The following APP variants were observed in gnomAD, a reference collection of about 807,000 sequenced individuals.
APP encodes the protein amyloid-beta precursor protein.
Under a neutral mutation model 101.4 loss-of-function variants are expected in APP, and 31 were observed. That is an observed-to-expected ratio of 0.31 (90% confidence interval 0.23 to 0.41). APP has a LOEUF of 0.41. Ranked by LOEUF, APP falls within the 10% of genes least tolerant of loss-of-function variation. The pLI, the probability that APP is intolerant of heterozygous loss-of-function variation, is 1.00. For synonymous variants in APP, 366 were observed against 364.4 expected (o/e 1.00, Z -0.05); for missense variants, 839 against 1,003.7 (o/e 0.84, Z 2.22).
intron 6 of APP, among the ~76,000 whole-genome samples, chr21:26,008,960 TA>T (rs2043658209): frequency 1.3e-5 from 2 of 151,998 alleles, no homozygotes; most frequent in South Asian, 4.2e-4. Context: ...CTACTCAAAA[TA>T]GGATCATGGA....
intron 4 of APP, among the ~76,000 whole-genome samples, chr21:26,051,568 G>A (rs1407760982): frequency 6.6e-6 from 1 of 152,148 alleles, no homozygotes; most frequent in Admixed American, 6.5e-5. Flanking sequence ...ATTCCAGGTA[G>A]ATCCCCAGCT....
At chr21:26,044,338 A>G (rs560588094) in intron 5 of APP, among the ~76,000 whole-genome samples, 1 of 152,298 alleles carries the variant, frequency 6.6e-6, no homozygotes, top group East Asian at 1.9e-4. Context: ...CTGGAGACTC[A>G]CTGAATATAG....
At chr21:25,969,935 A>G (rs1415505075) in intron 11 of APP, among the ~76,000 whole-genome samples, 11 of 10,568 alleles carry the variant, frequency 1.0e-3, no homozygotes, top group South Asian at 6.5e-3. Flanking sequence ...AGGAAAGGAA[A>G]GGAAAGGAAG....
At chr21:26,052,514 T>C (rs935712686) in intron 4 of APP, among the ~76,000 whole-genome samples, 1 of 152,214 alleles carries the variant, frequency 6.6e-6, no homozygotes, top group Non-Finnish European at 1.5e-5. Context: ...ACACAGCAGC[T>C]GTGAAGGTGG....
intron 5 of APP, among the ~76,000 whole-genome samples, chr21:26,035,671 T>C (rs959089187): frequency 1.8e-4 from 27 of 152,230 alleles, no homozygotes; most frequent in African/African-American, 5.8e-4. Flanking sequence ...TTCCAGGATC[T>C]GCTTTATGTA....
chr21:25,967,944 C>CAAG (rs1568777609), intron 11 of APP, among the ~76,000 whole-genome samples: 1 of 152,096 alleles, frequency 6.6e-6, no homozygotes, highest in Non-Finnish European at 1.5e-5. Flanking sequence ...TTAATTCTTC[C>CAAG]AGGGGGAAAA....
intron 13 of APP, among the ~76,000 whole-genome samples, chr21:25,917,425 TTAGA>T (rs1256359251): frequency 6.6e-6 from 1 of 152,190 alleles, no homozygotes; most frequent in Non-Finnish European, 1.5e-5. Flanking sequence ...TTGTTTTTTC[TTAGA>T]TATTCATGAT....
In APP at chr21:25,897,641, T is replaced by TCTC. The variant is rs759980555; in HGVS notation, c.1993_1995dup (p.Glu665dup). 4 of 1,613,972 alleles carry TCTC rather than the reference T, an allele frequency of 2.5e-6. No individual in the cohort carries two copies. The South Asian group carries it at 3.3e-5, about 13-fold the overall frequency. On this transcript the variant is annotated inframe_insertion, in exon 16 of 18. Transcript: ENST00000346798. ...TCTGCATCCATCTTCACTTCAGAGA[T>TCTC]CTCCTCCGTCTTGATATTTGTCAAC...
chr21:25,897,175 C>T (rs144452199), intron 16 of APP, among the ~76,000 whole-genome samples: 5 of 151,862 alleles, frequency 3.3e-5, no homozygotes, highest in East Asian at 1.9e-4. Context: ...CGCCTAGGCA[C>T]GATCTCAGCT....
intron 2 of APP, 81 bp from the exon 3 acceptor site, chr21:26,090,153 A>G: frequency 1.3e-6 from 2 of 1,587,580 alleles, no homozygotes; most frequent in Non-Finnish European, 1.7e-6. Context: ...CCTCCACTGT[A>G]AGGTACAGGT....
intron 6 of APP, among the ~76,000 whole-genome samples, chr21:26,020,396 G>A (rs1392270692): frequency 1.3e-5 from 2 of 152,146 alleles, no homozygotes; most frequent in East Asian, 1.9e-4. Context: ...TAAAGCCGCT[G>A]AATTATATAC....
intron 3 of APP, among the ~76,000 whole-genome samples, chr21:26,076,773 G>T (rs984469702): frequency 6.6e-5 from 10 of 152,164 alleles, no homozygotes; most frequent in Non-Finnish European, 1.2e-4. Flanking sequence ...AAGCTTAAAA[G>T]AAATTTTAGG....
chr21:26,160,337 C>A (rs1046733647), intron 1 of APP, among the ~76,000 whole-genome samples: 3 of 152,208 alleles, frequency 2.0e-5, no homozygotes, highest in Non-Finnish European at 2.9e-5. Flanking sequence ...CCCTCCACAA[C>A]AACCATAGAA....
At position 26,057,414 on chromosome 21, in the gene APP, T is replaced by C. The variant is rs550483907; in HGVS notation, c.356-4066A>G. 1.4e-4 allele frequency among the ~76,000 whole-genome samples: 22 copies of C among 152,220 alleles called. No individual in the cohort carries two copies. The South Asian group carries it at 4.6e-3, about 32-fold the overall frequency. On this transcript the variant is annotated intron_variant, in intron 3 of 17. Transcript: ENST00000346798. ...CAGTATGCATGTTTATTGAGAAACA[T>C]ACAACCTGGTTTCTTGCTAAAACAA...
intron 3 of APP, among the ~76,000 whole-genome samples, chr21:26,056,897 A>C (rs912616077): frequency 5.3e-5 from 8 of 152,248 alleles, no homozygotes; most frequent in African/African-American, 1.9e-4. Context: ...TACACATCAG[A>C]AATTGTAAGC....
At chr21:26,093,446 C>T (rs1300980779) in intron 2 of APP, among the ~76,000 whole-genome samples, 1 of 152,160 alleles carries the variant, frequency 6.6e-6, no homozygotes, top group Non-Finnish European at 1.5e-5. Flanking sequence ...ATGGTTCCCT[C>T]TATACAACTT....
At chr21:25,889,452 G>T (rs981470912) in intron 17 of APP, among the ~76,000 whole-genome samples, 1 of 152,188 alleles carries the variant, frequency 6.6e-6, no homozygotes, top group East Asian at 1.9e-4. Flanking sequence ...TGTTATGGAA[G>T]CCCGAGGAAG....
chr21:26,058,000 G>A (rs1443255831), intron 3 of APP, among the ~76,000 whole-genome samples: 4 of 152,178 alleles, frequency 2.6e-5, no homozygotes, highest in African/African-American at 7.2e-5. Flanking sequence ...ATGTCAAACC[G>A]TGGCTTAAAC....
intron 11 of APP, among the ~76,000 whole-genome samples, chr21:25,962,884 C>T (rs1223012490): frequency 6.6e-6 from 1 of 152,212 alleles, no homozygotes; most frequent in East Asian, 1.9e-4. Flanking sequence ...TCCACCTCAA[C>T]TCACTGCAAC....
Sources: allele counts gnomAD v4.1 joint callset (sites outside exome capture counted in the v4.1 genomes callset), GRCh38; gene constraint gnomAD v4.1.1; transcripts MANE v1.5; gene names NCBI Gene and HGNC (gene_info 2026-07-23, HGNC 2026-07-21).